The following SRGAP1 variants were observed in gnomAD, a reference collection of about 807,000 sequenced individuals.
SRGAP1 encodes SLIT-ROBO Rho GTPase-activating protein 1.
SRGAP1 carries 43 observed loss-of-function variants against 121.9 expected under a neutral mutation model. The observed-to-expected ratio is 0.35, with a 90% CI of 0.28 to 0.46. SRGAP1 has a LOEUF of 0.46. SRGAP1 is among the 20% of genes least tolerant of loss of function. The pLI, the probability that SRGAP1 is intolerant of heterozygous loss-of-function variation, is 1.00. For synonymous variants in SRGAP1, 447 were observed against 485.4 expected, an observed-to-expected ratio of 0.92 and a Z score of 1.04; for missense variants, 1,102 against 1,350.9, an observed-to-expected ratio of 0.82 and a Z score of 2.89.
At chr12:64,054,417 T>G (rs571875123) in intron 6 of SRGAP1, among the ~76,000 whole-genome samples, 45 of 152,334 alleles carry the variant, frequency 3.0e-4, no homozygotes, top group African/African-American at 1.0e-3. Flanking sequence ...CTTTTTTGTG[T>G]CTTGGGACAT....
At position 64,083,705 on chromosome 12, in the gene SRGAP1, A is replaced by AT. The variant is rs373415257; in HGVS notation, c.1409-3284dup. On this transcript the variant is annotated intron_variant, in intron 10 of 21. Transcript: ENST00000355086. ...ATACATCTATAAAACTGAGGCACTG[A>AT]TTTTTTTTTTCTTTTTCAGTAATGA... Among the ~76,000 whole-genome samples, 411 of 150,220 alleles carry AT rather than the reference A, an allele frequency of 2.7e-3. 1 individual carries two copies. Among genetic ancestry groups the AT allele is most frequent in the African/African-American group, 8.4e-3 (343 of 40,968 alleles).
chr12:64,112,854 AGAGAG>A (rs2036452002), intron 17 of SRGAP1, among the ~76,000 whole-genome samples: 1 of 152,166 alleles, frequency 6.6e-6, no homozygotes, highest in African/African-American at 2.4e-5. Context: ...TCATAGAGGT[AGAGAG>A]TAGAGTGATG....
chr12:64,059,612 G>A (rs1259431525), intron 6 of SRGAP1, among the ~76,000 whole-genome samples: 2 of 151,920 alleles, frequency 1.3e-5, no homozygotes, highest in African/African-American at 4.8e-5. Flanking sequence ...TAAAAAAAAA[G>A]GTCATTTCCT....
chr12:64,137,961 A>AAAAAAT (rs372355390), intron 21 of SRGAP1, among the ~76,000 whole-genome samples: 40 of 139,674 alleles, frequency 2.9e-4, no homozygotes, highest in East Asian at 2.1e-3. Context: ...TTAAAAAAAA[A>AAAAAAT]ATATATATAT....
chr12:63,932,743 G>T (rs994829213), intron 1 of SRGAP1, among the ~76,000 whole-genome samples: 2 of 152,182 alleles, frequency 1.3e-5, no homozygotes, highest in South Asian at 4.1e-4. Flanking sequence ...GATTGCACTT[G>T]CACTGTGCTC....
intron 1 of SRGAP1, among the ~76,000 whole-genome samples, chr12:63,927,596 TA>T (rs1467142007): frequency 6.6e-6 from 1 of 152,202 alleles, no homozygotes; most frequent in Non-Finnish European, 1.5e-5. Context: ...TACTGTAACC[TA>T]AGCCTAGAAT....
Position 63,870,533 on chromosome 12 carries a change from ATTT to A in SRGAP1, c.67+25672_67+25674del, listed in dbSNP as rs1216674448. Reference sequence around the variant, plus strand: ...AATGAAGAGGTTCCTCCCTATCTTGATTTTTTTTTTTTTTTTTTTTTTTTGAGA... The same window carrying A: ...AATGAAGAGGTTCCTCCCTATCTTGATTTTTTTTTTTTTTTTTTTTTGAGA... On this transcript the variant is annotated intron_variant, in intron 1 of 21. Coordinates refer to ENST00000355086, the MANE Select transcript of SRGAP1 (RefSeq NM_020762.4). Among the ~76,000 whole-genome samples, 693 of 100,784 alleles carry A rather than the reference ATTT, an allele frequency of 6.9e-3. 1 individual carries two copies. The highest frequency in any genetic ancestry group is 0.03 in the Middle Eastern group (5 of 168). The allele number at this position is 100,784 out of a possible 152,430, so 66.1% of individuals were successfully genotyped here. A position where few individuals can be genotyped will look rare whatever the true frequency, so the allele number is the denominator to read the frequency against.
At chr12:64,059,780 G>A (rs1411790577) in intron 6 of SRGAP1, among the ~76,000 whole-genome samples, 1 of 152,122 alleles carries the variant, frequency 6.6e-6, no homozygotes, top group African/African-American at 2.4e-5. Context: ...TCTGGGACTA[G>A]AATTTCTAAA....
intron 1 of SRGAP1, chr12:63,872,114 A>G (rs1398203821): frequency 7.2e-6 from 4 of 555,200 alleles, no homozygotes; most frequent in African/African-American, 1.9e-5. Flanking sequence ...TGCCTTGTAC[A>G]GCTCTCACCT....
chr12:63,971,165 C>T (rs990119274), intron 1 of SRGAP1, among the ~76,000 whole-genome samples: 1 of 152,190 alleles, frequency 6.6e-6, no homozygotes, highest in African/African-American at 2.4e-5. Context: ...ATTCCAGAGC[C>T]TTCCCTGATT....
intron 1 of SRGAP1, among the ~76,000 whole-genome samples, chr12:63,868,065 T>TTG (rs1899711294): frequency 2.0e-5 from 2 of 101,322 alleles, no homozygotes; most frequent in Non-Finnish European, 3.7e-5. Context: ...TATTTTTTTT[T>TTG]TTTTTTTTTT....
In SRGAP1 at chr12:63,844,748, C is replaced by T; in HGVS notation, c.-69C>T. 6.6e-7 allele frequency: 1 copy of T among 1,516,034 alleles called. No individual in the cohort carries two copies. Among genetic ancestry groups the T allele is most frequent in the Non-Finnish European group, 9.2e-7 (1 of 1,090,526 alleles). 93.9% of individuals were successfully genotyped at this position (1,516,034 alleles called of 1,614,324 possible). A position where few individuals can be genotyped will look rare whatever the true frequency, so the allele number is the denominator to read the frequency against. Reference sequence around the variant, plus strand: ...CGTGTGGGAGTACAACTCTGCCTCTCCAAGGAGAACGGGTTGTGACCACTG... The same window carrying T: ...CGTGTGGGAGTACAACTCTGCCTCTTCAAGGAGAACGGGTTGTGACCACTG... On this transcript the variant is annotated 5_prime_UTR_variant, in exon 1 of 22. Coordinates refer to ENST00000355086, the MANE Select transcript of SRGAP1 (RefSeq NM_020762.4). This position sits in a 1 kb window ranked among gnomAD's most constrained non-coding sequence, Gnocchi z 4.3.
intron 21 of SRGAP1, 97 bp downstream of exon 21, chr12:64,128,297 T>G (rs2036732768): frequency 1.7e-6 from 2 of 1,199,622 alleles, no homozygotes; most frequent in African/African-American, 3.1e-5. Flanking sequence ...TTTATTTACT[T>G]TATATTTCTG....
At chr12:64,067,139 C>G (rs2035555610) in intron 8 of SRGAP1, among the ~76,000 whole-genome samples, 1 of 152,194 alleles carries the variant, frequency 6.6e-6, no homozygotes, top group African/African-American at 2.4e-5. Context: ...AGTTCTCTTA[C>G]ACTGGACTGT....
chr12:64,147,154 A>ACTT lies in SRGAP1; in HGVS notation c.*4484_*4485insTCT, dbSNP rs1472193510. ...AGGAGAGACTGCTGTTTACCTACGT[A>ACTT]CTGAAGGGTAACTGCTGCCCGCGTA... is the stretch of plus-strand genomic sequence containing the variant. On this transcript the variant is annotated 3_prime_UTR_variant, in exon 22 of 22. Transcript: ENST00000355086. The ACTT allele has an allele frequency of 9.0e-6, 2 of 221,464 alleles. No homozygotes were observed. Among genetic ancestry groups the ACTT allele is most frequent in the East Asian group, 1.8e-4 (2 of 10,824 alleles). 13.7% of individuals were successfully genotyped at this position (221,464 alleles called of 1,614,324 possible).
chr12:64,063,340 A>T (rs1378509229), intron 7 of SRGAP1, among the ~76,000 whole-genome samples: 1 of 152,224 alleles, frequency 6.6e-6, no homozygotes, highest in Non-Finnish European at 1.5e-5. Flanking sequence ...GAGGCCAAAC[A>T]GATAAAAGGT....
chr12:64,104,950 T>C (rs1382891805), intron 15 of SRGAP1, among the ~76,000 whole-genome samples: 1 of 152,084 alleles, frequency 6.6e-6, no homozygotes, highest in African/African-American at 2.4e-5. Context: ...GATTTTTAAG[T>C]GTACAGTTCG....
intron 15 of SRGAP1, among the ~76,000 whole-genome samples, chr12:64,107,544 A>G (rs1372691832): frequency 2.0e-5 from 3 of 152,220 alleles, no homozygotes; most frequent in Non-Finnish European, 2.9e-5. Context: ...CAAGGATATC[A>G]TCTTAGAAGT....
At chr12:64,116,625 TC>T (rs944254909) in intron 18 of SRGAP1, among the ~76,000 whole-genome samples, 6 of 152,200 alleles carry the variant, frequency 3.9e-5, no homozygotes, top group African/African-American at 1.4e-4. Context: ...ATTGTATGTA[TC>T]TATTCCGTTC....
Sources: gnomAD v4.1 joint callset for allele counts (sites outside exome capture counted in the v4.1 genomes callset) on GRCh38, gnomAD v4.1.1 for gene constraint, Gnocchi (gnomAD v3.1) non-coding constraint, MANE v1.5 for transcripts, NCBI Gene and HGNC (gene_info 2026-07-23, HGNC 2026-07-21) for gene names.